PTCD3: variants seen among roughly 807,000 people sequenced by gnomAD.
The protein encoded by PTCD3 is small ribosomal subunit protein mS39.
Under a neutral mutation model 101.9 loss-of-function variants are expected in PTCD3, and 89 were observed. The observed-to-expected ratio is 0.87, with a 90% CI of 0.74 to 1.04. PTCD3 has a LOEUF of 1.04. PTCD3 is among the 50% of genes least tolerant of loss of function. The probability of loss-of-function intolerance (pLI) is 0.00; values close to 1 mark genes in which losing one functional copy is unlikely to be tolerated. For synonymous variants in PTCD3, 296 were observed against 278.5 expected (o/e 1.06, Z -0.63); for missense variants, 870 against 828.2 (o/e 1.05, Z -0.62).
chr2:86,122,622 G>A (rs550924157), intron 8 of PTCD3, among the ~76,000 whole-genome samples: 6 of 152,314 alleles, frequency 3.9e-5, no homozygotes, highest in Admixed American at 2.6e-4. Context: ...GGGTCTTGCT[G>A]TAGTGCCCAG....
chr2:86,126,584 C>G (rs1231380472), intron 12 of PTCD3, among the ~76,000 whole-genome samples: 1 of 152,070 alleles, frequency 6.6e-6, no homozygotes, highest in Non-Finnish European at 1.5e-5. Context: ...TGCCTATAAT[C>G]CCAGCACTTT....
rs952402715 is a variant in PTCD3 at position 86,140,169 on chromosome 2, T to G, written c.*2610T>G. On this transcript the variant is annotated 3_prime_UTR_variant, in exon 24 of 24. Coordinates refer to ENST00000254630, the MANE Select transcript of PTCD3 (RefSeq NM_017952.6). ...CATATGACCGCCTAAGAAACAGAACTTCGAGAAGTCCTAACGTAACCACAG... is the reference window on the plus strand; with the variant it reads ...CATATGACCGCCTAAGAAACAGAACGTCGAGAAGTCCTAACGTAACCACAG... 12 of 150,050 alleles carry G rather than the reference T, an allele frequency of 8.0e-5. No individual in the cohort carries two copies. The highest frequency in any genetic ancestry group is 3.0e-4 in the African/African-American group (12 of 40,382). The allele number at this position is 150,050 out of a possible 1,614,324, so 9.3% of individuals were successfully genotyped here.
In PTCD3 at chr2:86,141,450, T is replaced by G. The variant is rs1347287679; in HGVS notation, c.*3891T>G. 6.6e-6 allele frequency: 1 copy of G among 152,228 alleles called. No homozygotes were observed. The highest frequency in any genetic ancestry group is 1.5e-5 in the Non-Finnish European group (1 of 68,036). 9.4% of individuals were successfully genotyped at this position (152,228 alleles called of 1,614,324 possible). ...TTCTGCACTGAGCCAAGCAAGTTAC[T>G]TTTAAAACTGGTGGCACCACTCATT... On this transcript the variant is annotated 3_prime_UTR_variant, in exon 24 of 24. Transcript: ENST00000254630.
intron 3 of PTCD3, 133 bp from the exon 4 acceptor site, chr2:86,110,980 A>T (rs1026584844): frequency 1.2e-6 from 1 of 843,044 alleles, no homozygotes; most frequent in African/African-American, 1.7e-5. Flanking sequence ...TATTCTAGTG[A>T]CCTTGTGACA....
chr2:86,132,912 A>G (rs1674518702), intron 17 of PTCD3: 1 of 461,986 alleles, frequency 2.2e-6, no homozygotes, highest in Admixed American at 3.9e-5. Context: ...TGTTTTTAAA[A>G]TGAATTTGAA....
intron 17 of PTCD3, 140 bp downstream of exon 17, chr2:86,132,564 G>C (rs1041982487): frequency 1.9e-6 from 1 of 522,754 alleles, no homozygotes; most frequent in Non-Finnish European, 3.4e-6. Flanking sequence ...TGAGCACTTA[G>C]GAATTAAAGC....
chr2:86,115,466 G>A (rs1674161328), intron 4 of PTCD3, among the ~76,000 whole-genome samples: 1 of 152,078 alleles, frequency 6.6e-6, no homozygotes, highest in African/African-American at 2.4e-5. Context: ...TTCACAACAG[G>A]GCTGCTAAGG....
intron 8 of PTCD3, among the ~76,000 whole-genome samples, chr2:86,122,568 T>C (rs1256658669): frequency 9.2e-6 from 1 of 108,764 alleles, no homozygotes; most frequent in Non-Finnish European, 2.2e-5. Context: ...TGGGCCACCA[T>C]GTCTGGCTAG....
chr2:86,119,210 G>C, intron 7 of PTCD3, 166 bp downstream of exon 7: 5 of 915,486 alleles, frequency 5.5e-6, no homozygotes, highest in Non-Finnish European at 7.9e-6. Flanking sequence ...TTTAGCTTTA[G>C]TGTTACTTAA....
Position 86,117,870 on chromosome 2 carries a change from G to A in PTCD3, c.414+711G>A, listed in dbSNP as rs569109208. Among the ~76,000 whole-genome samples the A allele has an allele frequency of 1.1e-4, 17 of 152,158 alleles. 1 individual carries two copies. Among genetic ancestry groups the A allele is most frequent in the African/African-American group, 2.9e-4 (12 of 41,504 alleles). On this transcript the variant is annotated intron_variant, in intron 6 of 23. Transcript: ENST00000254630. ...TGGCTCACTGCAGCCTCTGCCGCCC[G>A]GGTTCAAGCAATTCTCCTGCCTCAG...
At chr2:86,125,348 G>A in intron 10 of PTCD3, 107 bp from the exon 11 acceptor site, 1 of 1,238,220 alleles carries the variant, frequency 8.1e-7, no homozygotes, top group Non-Finnish European at 1.2e-6. Flanking sequence ...ATGAGAACAG[G>A]AGCCTGATCT....
chr2:86,106,799 G>A lies in PTCD3; in HGVS notation c.104+448G>A, dbSNP rs142916587. On this transcript the variant is annotated intron_variant, in intron 1 of 23. Transcript: ENST00000254630. ...AAGAAGTTATCAGGTTTTCGTAAAA[G>A]CAGAAAAGTCTAAAAGATCTGACTA... Among the ~76,000 whole-genome samples, 34 of 152,362 alleles carry A rather than the reference G, an allele frequency of 2.2e-4. No homozygotes were observed. In the East Asian group the frequency reaches 6.4e-3, roughly 28 times the overall value.
At chr2:86,137,401 C>T (rs1674606400) in intron 23 of PTCD3, 68 bp from the exon 24 acceptor site, 2 of 1,599,976 alleles carry the variant, frequency 1.3e-6, no homozygotes, top group South Asian at 1.1e-5. Flanking sequence ...AGGTGAGTGT[C>T]AGAGACACCG....
At chr2:86,116,702 T>C (rs1191597035) in intron 5 of PTCD3, 104 bp downstream of exon 5, 1 of 840,522 alleles carries the variant, frequency 1.2e-6, no homozygotes, top group East Asian at 2.5e-5. Flanking sequence ...TTACAAATGC[T>C]GAGAAATTGA....
intron 4 of PTCD3, among the ~76,000 whole-genome samples, chr2:86,114,348 C>T (rs1046311519): frequency 7.9e-5 from 12 of 151,470 alleles, no homozygotes; most frequent in Admixed American, 4.6e-4. Context: ...AGTGCAGTGG[C>T]GCAATCTCAG....
Position 86,138,541 on chromosome 2 carries a change from T to A in PTCD3, c.*982T>A, listed in dbSNP as rs1478886936. ...CAGAGTTGACAATTATGGGATACTCTAGTCTACTTATACTTGTGTTCCCAT... is the reference window on the plus strand; with the variant it reads ...CAGAGTTGACAATTATGGGATACTCAAGTCTACTTATACTTGTGTTCCCAT... On this transcript the variant is annotated 3_prime_UTR_variant, in exon 24 of 24. Transcript: ENST00000254630. 1 of 152,226 alleles carries A rather than the reference T, an allele frequency of 6.6e-6. No individual in the cohort carries two copies. Among genetic ancestry groups the A allele is most frequent in the African/African-American group, 2.4e-5 (1 of 41,454 alleles). The allele number at this position is 152,226 out of a possible 1,614,324, so 9.4% of individuals were successfully genotyped here. A position where few individuals can be genotyped will look rare whatever the true frequency, so the allele number is the denominator to read the frequency against.
rs555681860 is a variant in PTCD3 at position 86,134,897 on chromosome 2, C to T, written c.1688C>T (p.Pro563Leu). The T allele has an allele frequency of 6.2e-7, 1 of 1,614,112 alleles. No individual in the cohort carries two copies. The highest frequency in any genetic ancestry group is 2.2e-5 in the East Asian group (1 of 44,884). ...ADIKSAYESQ[P>L]IRQTAQDWPA... is the part of the protein sequence containing the mutation. ...ATCAAATCTGCGTATGAAAGCCAAC[C>T]CATCAGACAGACTGCTCAGGATTGG... The change falls in exon 21 of 24, where the codon CCC (proline) becomes CTC (leucine). Residue 563 changes from proline to leucine, a missense_variant. By Grantham distance (98) the Pro-to-Leu change is moderately conservative. Transcript: ENST00000254630.
At chr2:86,111,306 A>T in intron 4 of PTCD3, 148 bp downstream of exon 4, 1 of 830,492 alleles carries the variant, frequency 1.2e-6, no homozygotes. Flanking sequence ...AAAATTGTCT[A>T]GGCCGGGCGC....
chr2:86,118,578 G>T (rs1298585025), intron 6 of PTCD3, among the ~76,000 whole-genome samples: 1 of 152,218 alleles, frequency 6.6e-6, no homozygotes, highest in African/African-American at 2.4e-5. Flanking sequence ...TGAAGGTAGA[G>T]AATGCCTTTC....
Sources: allele counts gnomAD v4.1 joint callset (sites outside exome capture counted in the v4.1 genomes callset), GRCh38; gene constraint gnomAD v4.1.1; transcripts MANE v1.5; gene names NCBI Gene and HGNC (gene_info 2026-07-23, HGNC 2026-07-21).